The following KLHL32 variants were observed in gnomAD, a reference collection of about 807,000 sequenced individuals.
KLHL32 encodes kelch like family member 32.
Under a neutral mutation model 64.8 loss-of-function variants are expected in KLHL32, and 35 were observed. That is an observed-to-expected ratio of 0.54 (90% CI 0.41 to 0.72). The LOEUF is 0.72. Among genes scored for constraint, KLHL32 ranks in the 30% least tolerant of loss-of-function variants. The pLI, the probability that KLHL32 is intolerant of heterozygous loss-of-function variation, is 0.00. For missense variants in KLHL32, 589 were observed against 768.5 expected (o/e 0.77, Z 2.76); for synonymous variants, 259 against 281.0 (o/e 0.92, Z 0.78).
intron 5 of KLHL32, among the ~76,000 whole-genome samples, chr6:97,066,809 C>T (rs1789827351): frequency 6.6e-6 from 1 of 152,014 alleles, no homozygotes; most frequent in African/African-American, 2.4e-5. Context: ...TATCTATTTG[C>T]TGTGTTTTGG....
intron 3 of KLHL32, among the ~76,000 whole-genome samples, chr6:96,994,072 G>A (rs1289797852): frequency 6.6e-6 from 1 of 152,168 alleles, no homozygotes; most frequent in African/African-American, 2.4e-5. Context: ...GTTTGCTATA[G>A]AAACATCCTT....
intron 3 of KLHL32, among the ~76,000 whole-genome samples, chr6:97,021,365 A>G (rs1239015599): frequency 6.6e-6 from 1 of 150,820 alleles, no homozygotes. Flanking sequence ...AGAGCCGATG[A>G]TGTAGTTTCT....
At chr6:96,998,667 T>C (rs1007622081) in intron 3 of KLHL32, among the ~76,000 whole-genome samples, 6 of 152,350 alleles carry the variant, frequency 3.9e-5, no homozygotes, top group Non-Finnish European at 7.3e-5. Context: ...GATTAATTAC[T>C]TTGCTTGAGG....
intron 2 of KLHL32, among the ~76,000 whole-genome samples, 181 bp from the exon 3 acceptor site, chr6:96,975,816 G>A (rs1376521199): frequency 6.6e-6 from 1 of 152,058 alleles, no homozygotes; most frequent in Non-Finnish European, 1.5e-5. Flanking sequence ...GAAGCAGAGA[G>A]AATAAGAAAA....
At chr6:97,023,760 C>T (rs1782337008) in intron 3 of KLHL32, among the ~76,000 whole-genome samples, 1 of 152,160 alleles carries the variant, frequency 6.6e-6, no homozygotes, top group Non-Finnish European at 1.5e-5. Context: ...CACTAGAGAA[C>T]TAGGGGCCAG....
chr6:96,995,987 C>T (rs1224100207), intron 3 of KLHL32, among the ~76,000 whole-genome samples: 1 of 152,172 alleles, frequency 6.6e-6, no homozygotes, highest in Admixed American at 6.5e-5. Context: ...AGTATTGAAA[C>T]AGAGATAGCA....
chr6:96,944,553 C>A (rs1272816323), intron 1 of KLHL32, among the ~76,000 whole-genome samples: 2 of 152,152 alleles, frequency 1.3e-5, no homozygotes, highest in African/African-American at 4.8e-5. Context: ...GCTATATATT[C>A]ATATTGTACT....
chr6:96,995,657 T>C (rs749028871), intron 3 of KLHL32, among the ~76,000 whole-genome samples: 11 of 152,220 alleles, frequency 7.2e-5, no homozygotes, highest in Non-Finnish European at 1.3e-4. Context: ...TTCTCAGCTT[T>C]GCTAGTGACC....
At chr6:97,086,735 G>T (rs1793473531) in intron 6 of KLHL32, among the ~76,000 whole-genome samples, 1 of 152,172 alleles carries the variant, frequency 6.6e-6, no homozygotes, top group Non-Finnish European at 1.5e-5. Flanking sequence ...TGAACAGGTT[G>T]ACAAGGATCT....
chr6:96,990,651 G>A (rs949251063), intron 3 of KLHL32, among the ~76,000 whole-genome samples: 1 of 151,962 alleles, frequency 6.6e-6, no homozygotes, highest in Non-Finnish European at 1.5e-5. Context: ...GTAGCAGAGA[G>A]CCATTCACTT....
intron 7 of KLHL32, among the ~76,000 whole-genome samples, chr6:97,122,719 A>G (rs186652054): frequency 6.7e-4 from 102 of 152,326 alleles, no homozygotes; most frequent in Non-Finnish European, 3.5e-4. Flanking sequence ...GATTGTCTCT[A>G]TGCTTTGCAC....
the KLHL32 span, among the ~76,000 whole-genome samples, chr6:96,911,862 A>AGCTGC: frequency 1.5e-4 from 6 of 39,390 alleles, no homozygotes; most frequent in East Asian, 1.3e-3. Context: ...GGCAGCTGCC[A>AGCTGC]CTCCTCCATT....
Position 96,987,575 on chromosome 6 carries a change from C to T in KLHL32, c.204+11398C>T, listed in dbSNP as rs568809269. Among the ~76,000 whole-genome samples the T allele has an allele frequency of 1.9e-3, 290 of 152,324 alleles. 1 individual carries two copies. The highest frequency in any genetic ancestry group is 6.6e-3 in the African/African-American group (276 of 41,556). Reference sequence around the variant, plus strand: ...GCCATCCCCATCAAGCTACCAATGACTTTCTTCACAGAATTGGAAAAAACT... The same window carrying T: ...GCCATCCCCATCAAGCTACCAATGATTTTCTTCACAGAATTGGAAAAAACT... On this transcript the variant is annotated intron_variant, in intron 3 of 10. Transcript: ENST00000369261.
intron 2 of KLHL32, among the ~76,000 whole-genome samples, chr6:96,969,131 G>A (rs1417967976): frequency 6.6e-6 from 1 of 152,106 alleles, no homozygotes; most frequent in African/African-American, 2.4e-5. Context: ...CCTCATGTCA[G>A]CCTGGAGGAT....
chr6:96,988,438 A>G (rs1344082522), intron 3 of KLHL32, among the ~76,000 whole-genome samples: 1 of 152,102 alleles, frequency 6.6e-6, no homozygotes, highest in Non-Finnish European at 1.5e-5. Flanking sequence ...GGCAATCATT[A>G]AAAAGTCAGG....
intron 6 of KLHL32, among the ~76,000 whole-genome samples, chr6:97,097,833 A>C (rs7755459): frequency 0.016 from 2,456 of 152,350 alleles, 25 homozygotes; most frequent in Middle Eastern, 0.031. Flanking sequence ...CTAATGCAGC[A>C]GCTCACACAG....
intron 3 of KLHL32, among the ~76,000 whole-genome samples, chr6:97,030,421 C>T (rs1438140406): frequency 6.6e-6 from 1 of 152,170 alleles, no homozygotes; most frequent in African/African-American, 2.4e-5. Context: ...ACCATAAATC[C>T]ACACCTCCCT....
chr6:96,919,460 T>G, the KLHL32 span, among the ~76,000 whole-genome samples: 2 of 152,228 alleles, frequency 1.3e-5, no homozygotes, highest in African/African-American at 4.8e-5. Context: ...ATATGAAATA[T>G]GTATTCATAT....
At chr6:97,045,996 G>T (rs1004184942) in intron 4 of KLHL32, among the ~76,000 whole-genome samples, 2 of 152,144 alleles carry the variant, frequency 1.3e-5, no homozygotes, top group African/African-American at 4.8e-5. Context: ...AGAAAGAAAA[G>T]CAAGTCCTAG....
Sources: allele counts gnomAD v4.1 joint callset (sites outside exome capture counted in the v4.1 genomes callset), GRCh38; gene constraint gnomAD v4.1.1; transcripts MANE v1.5; gene names NCBI Gene and HGNC (gene_info 2026-07-23, HGNC 2026-07-21).